The following LMBR1 variants were observed in gnomAD, a reference collection of about 807,000 sequenced individuals.
The protein encoded by LMBR1 is limb development membrane protein 1.
Under a neutral mutation model 73.9 loss-of-function variants are expected in LMBR1, and 52 were observed. That is an observed-to-expected ratio of 0.70 (90% CI 0.56 to 0.89). The LOEUF (loss-of-function observed/expected upper bound fraction) is 0.89. LMBR1 is among the 40% of genes least tolerant of loss of function. LMBR1 has a pLI of 0.00. For missense variants in LMBR1, 539 were observed against 579.8 expected, an observed-to-expected ratio of 0.93 and a Z score of 0.72; for synonymous variants, 215 against 209.4, an observed-to-expected ratio of 1.03 and a Z score of -0.23.
intron 15 of LMBR1, among the ~76,000 whole-genome samples, chr7:156,692,652 C>T (rs915784212): frequency 1.3e-5 from 2 of 152,170 alleles, no homozygotes; most frequent in Non-Finnish European, 2.9e-5. Flanking sequence ...TAAAGAGAGA[C>T]TGCAGTGTAG....
At chr7:156,840,981 A>G (rs1017403037) in intron 1 of LMBR1, among the ~76,000 whole-genome samples, 40 of 150,648 alleles carry the variant, frequency 2.7e-4, no homozygotes, top group Non-Finnish European at 4.0e-4. Context: ...AAAAAAAAAA[A>G]AAAGAAAAAG....
At chr7:156,797,832 T>C (rs1034639926) in intron 4 of LMBR1, among the ~76,000 whole-genome samples, 1 of 152,228 alleles carries the variant, frequency 6.6e-6, no homozygotes, top group Non-Finnish European at 1.5e-5. Context: ...AAATTTACAA[T>C]GTACATTTAT....
At chr7:156,830,490 GATGT>G (rs1836489954) in intron 3 of LMBR1, among the ~76,000 whole-genome samples, 1 of 152,182 alleles carries the variant, frequency 6.6e-6, no homozygotes, top group African/African-American at 2.4e-5. Flanking sequence ...TATTCAGTAA[GATGT>G]ATATAGTGTT....
intron 1 of LMBR1, among the ~76,000 whole-genome samples, chr7:156,838,705 T>C (rs942726603): frequency 2.0e-5 from 3 of 149,230 alleles, no homozygotes; most frequent in African/African-American, 2.4e-5. Context: ...CTTCAACACA[T>C]TGATTTCATT....
At chr7:156,716,663 CT>C (rs1463631706) in intron 15 of LMBR1, among the ~76,000 whole-genome samples, 3 of 152,178 alleles carry the variant, frequency 2.0e-5, no homozygotes, top group Non-Finnish European at 4.4e-5. Flanking sequence ...GGTTTGATGT[CT>C]TCTTTCTCTA....
intron 1 of LMBR1, among the ~76,000 whole-genome samples, chr7:156,882,381 G>GCTCAAGGTCAAGGTGA (rs1401282873): frequency 9.9e-5 from 15 of 152,174 alleles, no homozygotes; most frequent in Non-Finnish European, 1.2e-4. Flanking sequence ...GGAGGTCAAG[G>GCTCAAGGTCAAGGTGA]CTGCAGTCAC....
chr7:156,708,417 T>G (rs1319032947), intron 15 of LMBR1, among the ~76,000 whole-genome samples: 2 of 152,038 alleles, frequency 1.3e-5, no homozygotes, highest in African/African-American at 2.4e-5. Context: ...TTACTTAGAG[T>G]TGAAATAGAT....
chr7:156,864,867 G>A (rs1437557013), intron 1 of LMBR1, among the ~76,000 whole-genome samples: 1 of 151,904 alleles, frequency 6.6e-6, no homozygotes, highest in Admixed American at 6.6e-5. Flanking sequence ...ACGGTGGTGG[G>A]TGCTTGTAAT....
chr7:156,827,696 A>G (rs1251542297), intron 3 of LMBR1, among the ~76,000 whole-genome samples: 2 of 152,136 alleles, frequency 1.3e-5, no homozygotes, highest in Non-Finnish European at 2.9e-5. Context: ...AAAAATAAAT[A>G]TAAGAAAATA....
At chr7:156,718,357 G>A (rs1813694536) in intron 15 of LMBR1, among the ~76,000 whole-genome samples, 1 of 150,786 alleles carries the variant, frequency 6.6e-6, no homozygotes, top group Non-Finnish European at 1.5e-5. Context: ...CCGAGATTGT[G>A]CCACTGCACT....
At chr7:156,751,548 ACT>A (rs1039671143) in intron 9 of LMBR1, among the ~76,000 whole-genome samples, 57 of 152,210 alleles carry the variant, frequency 3.7e-4, no homozygotes, top group African/African-American at 1.2e-3. Context: ...ATTGTCAGAG[ACT>A]CTCTCTGACT....
intron 4 of LMBR1, among the ~76,000 whole-genome samples, chr7:156,818,925 A>T (rs151030650): frequency 4.6e-5 from 7 of 152,292 alleles, no homozygotes; most frequent in African/African-American, 1.7e-4. Flanking sequence ...ATCCTACAAC[A>T]AACTACAGTT....
rs190718474 is a variant in LMBR1, at chr7:156,682,593, G to A, written c.*1485C>T. On this transcript the variant is annotated 3_prime_UTR_variant, in exon 17 of 17. Transcript: ENST00000353442. Reference sequence around the variant, plus strand: ...TGCATTTTAGAAAGATGTGAAGCTCGGAAGGAAATGCAGACGTATAAATAA... The same window carrying A: ...TGCATTTTAGAAAGATGTGAAGCTCAGAAGGAAATGCAGACGTATAAATAA... The A allele has an allele frequency of 1.2e-3, 176 of 152,180 alleles. No individual in the cohort carries two copies. Among genetic ancestry groups the A allele is most frequent in the African/African-American group, 4.0e-3 (167 of 41,508 alleles). 9.4% of individuals were successfully genotyped at this position (152,180 alleles called of 1,614,324 possible).
Position 156,709,896 on chromosome 7 carries a change from A to ATTTTTTTTTTTTTTTT in LMBR1, c.1225+14200_1225+14215dup, listed in dbSNP as rs34487923. On this transcript the variant is annotated intron_variant, in intron 15 of 16. Coordinates refer to ENST00000353442, the MANE Select transcript of LMBR1 (RefSeq NM_022458.4). The stretch of plus-strand genomic sequence containing the variant: ...GCCAGTTAAAGAATTCAGAAGGTTG[A>ATTTTTTTTTTTTTTTT]TTTTTTTTTTTTTTTTTTTTTTTTT... Among the ~76,000 whole-genome samples the ATTTTTTTTTTTTTTTT allele has an allele frequency of 1.7e-4, 15 of 90,356 alleles. 1 individual carries two copies. The highest frequency in any genetic ancestry group is 4.0e-4 in the South Asian group (1 of 2,474). 59.3% of individuals were successfully genotyped at this position (90,356 alleles called of 152,430 possible). A position where few individuals can be genotyped will look rare whatever the true frequency, so the allele number is the denominator to read the frequency against.
chr7:156,693,521 G>A (rs1376173987), intron 15 of LMBR1, among the ~76,000 whole-genome samples: 2 of 152,090 alleles, frequency 1.3e-5, no homozygotes, highest in Non-Finnish European at 2.9e-5. Context: ...ACCATTATAT[G>A]CCAACAAATT....
rs1563215730 is a variant in LMBR1, at chr7:156,724,438, A to G, written c.1159-260T>C. Among the ~76,000 whole-genome samples the G allele has an allele frequency of 2.0e-5, 3 of 152,182 alleles. 1 individual carries two copies. Among genetic ancestry groups the G allele is most frequent in the South Asian group, 4.1e-4 (2 of 4,834 alleles). ...AATACTTAAATTACTTGACACCTAG[A>G]TAATGCACTTTACATTACTGATTGC... On this transcript the variant is annotated intron_variant, in intron 14 of 16. Coordinates refer to ENST00000353442, the MANE Select transcript of LMBR1 (RefSeq NM_022458.4).
intron 5 of LMBR1, among the ~76,000 whole-genome samples, chr7:156,768,773 G>C (rs1335304133): frequency 6.6e-6 from 1 of 152,160 alleles, no homozygotes; most frequent in Non-Finnish European, 1.5e-5. Flanking sequence ...TACTGGACAT[G>C]GAATCTAAAT....
intron 5 of LMBR1, among the ~76,000 whole-genome samples, chr7:156,768,548 T>C (rs1391230134): frequency 2.6e-5 from 4 of 152,032 alleles, no homozygotes; most frequent in Admixed American, 6.6e-5. Flanking sequence ...CAGCCAAAGG[T>C]CAGAGAGCCC....
chr7:156,684,417 G>A (rs1439709866), intron 16 of LMBR1, among the ~76,000 whole-genome samples: 1 of 152,142 alleles, frequency 6.6e-6, no homozygotes, highest in Non-Finnish European at 1.5e-5. Flanking sequence ...GGTCCTAAGA[G>A]CCTGTCCCTT....
Sources: allele counts gnomAD v4.1 joint callset (sites outside exome capture counted in the v4.1 genomes callset), GRCh38; gene constraint gnomAD v4.1.1; transcripts MANE v1.5; gene names NCBI Gene and HGNC (gene_info 2026-07-23, HGNC 2026-07-21).